Variants in FAM222B observed in about 807,000 individuals in gnomAD.
FAM222B encodes the protein family with sequence similarity 222 member B.
FAM222B carries 12 observed loss-of-function variants against 38.0 expected under a neutral mutation model. The ratio of observed to expected loss-of-function variants is 0.32; its 90% CI spans 0.20 to 0.51. The LOEUF (loss-of-function observed/expected upper bound fraction) is 0.51, where lower values mean the gene tolerates loss of function less well. FAM222B is among the 20% of genes least tolerant of loss of function. The probability of loss-of-function intolerance (pLI) is 0.97; values close to 1 mark genes in which losing one functional copy is unlikely to be tolerated. For missense variants in FAM222B, 716 were observed against 754.2 expected (o/e 0.95, Z 0.59); for synonymous variants, 329 against 317.2 (o/e 1.04, Z -0.40).
intron 1 of FAM222B, among the ~76,000 whole-genome samples, chr17:28,852,969 G>A (rs144745748): frequency 0.022 from 3,296 of 152,124 alleles, 116 homozygotes; most frequent in African/African-American, 0.075. Flanking sequence ...TGAGGTGGGC[G>A]GATCACCTGA....
intron 1 of FAM222B, among the ~76,000 whole-genome samples, chr17:28,828,789 T>A (rs972854182): frequency 6.6e-6 from 1 of 152,150 alleles, no homozygotes; most frequent in African/African-American, 2.4e-5. Context: ...ATTGTTCAGT[T>A]CTAAGAGTTC....
chr17:28,821,561 G>C (rs1266931220), intron 1 of FAM222B, among the ~76,000 whole-genome samples: 1 of 152,170 alleles, frequency 6.6e-6, no homozygotes, highest in Non-Finnish European at 1.5e-5. Flanking sequence ...TTTTCTTATA[G>C]ACCAAGGGCC....
At chr17:28,803,040 ACT>A (rs2037312246) in intron 1 of FAM222B, among the ~76,000 whole-genome samples, 1 of 151,280 alleles carries the variant, frequency 6.6e-6, no homozygotes, top group African/African-American at 2.4e-5. Context: ...AGGGAGTCCC[ACT>A]CTGTTGCCTA....
At chr17:28,832,139 G>A (rs538887959) in intron 1 of FAM222B, among the ~76,000 whole-genome samples, 3 of 152,070 alleles carry the variant, frequency 2.0e-5, no homozygotes, top group African/African-American at 4.8e-5. Context: ...GCCGTGAGCC[G>A]AGATCGCGCC....
At chr17:28,839,967 G>A (rs1032036311) in intron 1 of FAM222B, among the ~76,000 whole-genome samples, 1 of 151,648 alleles carries the variant, frequency 6.6e-6, no homozygotes, top group East Asian at 1.9e-4. Flanking sequence ...TCAGGTAAAA[G>A]ACCAATCACT....
chr17:28,796,722 A>T (rs996398919), intron 1 of FAM222B, among the ~76,000 whole-genome samples: 5 of 145,796 alleles, frequency 3.4e-5, no homozygotes, highest in Non-Finnish European at 7.6e-5. Flanking sequence ...AGCAAAGATT[A>T]AAAAAAAAAA....
chr17:28,763,564 C>T (rs2035185480), intron 2 of FAM222B, among the ~76,000 whole-genome samples: 1 of 152,194 alleles, frequency 6.6e-6, no homozygotes, highest in African/African-American at 2.4e-5. Flanking sequence ...GGTCAGAGGG[C>T]ACAGGTGGCA....
At chr17:28,789,021 G>A (rs929527060) in intron 1 of FAM222B, among the ~76,000 whole-genome samples, 17 of 139,034 alleles carry the variant, frequency 1.2e-4, no homozygotes, top group African/African-American at 4.3e-4. Context: ...AAAGTGCTGG[G>A]ATTACAGATG....
intron 1 of FAM222B, among the ~76,000 whole-genome samples, chr17:28,805,100 TCTAATCCCAGCA>T (rs2037421872): frequency 6.6e-6 from 1 of 150,998 alleles, no homozygotes; most frequent in Non-Finnish European, 1.5e-5. Flanking sequence ...AGCTCATGGT[TCTAATCCCAGCA>T]CTTGGGAGGC....
At chr17:28,789,872 G>A (rs1020191153) in intron 1 of FAM222B, among the ~76,000 whole-genome samples, 1 of 152,228 alleles carries the variant, frequency 6.6e-6, no homozygotes, top group Non-Finnish European at 1.5e-5. Flanking sequence ...GGAAACCCCA[G>A]AGACAGAAGT....
At position 28,759,180 on chromosome 17, in the gene FAM222B, C is replaced by T. The variant is rs1597833271; in HGVS notation, c.779G>A (p.Ser260Asn). 9.9e-6 allele frequency: 16 copies of T among 1,613,162 alleles called. No homozygotes were observed. The highest frequency in any genetic ancestry group is 1.4e-5 in the Non-Finnish European group (16 of 1,179,608). ...GATGCTACTCAGGTCCGGAGGCTGG[C>T]TGTGCTGCAGAGTGGCCGCCATTGA... Reference protein sequence around the residue: ...PLSMAATLQHSQPPDLSSIVH... With the variant: ...PLSMAATLQHNQPPDLSSIVH... The change falls in exon 3 of 3, where the codon AGC (serine) becomes AAC (asparagine). Residue 260 changes from serine (S) to asparagine (N), a missense_variant. Transcript: ENST00000581407. The surrounding 1 kb of genome is among the most constrained non-coding windows in gnomAD (Gnocchi z 4.8).
At chr17:28,770,971 T>C (rs1010639690) in intron 1 of FAM222B, among the ~76,000 whole-genome samples, 1 of 151,432 alleles carries the variant, frequency 6.6e-6, no homozygotes, top group Non-Finnish European at 1.5e-5. Context: ...TGTATAAATA[T>C]GTGTGTGTAT....
intron 1 of FAM222B, among the ~76,000 whole-genome samples, chr17:28,815,230 TA>T (rs1323168514): frequency 4.3e-5 from 6 of 138,342 alleles, no homozygotes; most frequent in African/African-American, 1.4e-4. Context: ...TTTTTTTTTT[TA>T]AAGACAGAGT....
intron 1 of FAM222B, among the ~76,000 whole-genome samples, chr17:28,786,157 G>A (rs1044933495): frequency 5.9e-5 from 9 of 151,454 alleles, no homozygotes; most frequent in East Asian, 5.8e-4. Flanking sequence ...TTTTTTAAGT[G>A]TGCATGTAAT....
chr17:28,811,306 G>GGT, intron 1 of FAM222B, among the ~76,000 whole-genome samples: 1 of 152,232 alleles, frequency 6.6e-6, no homozygotes, highest in Admixed American at 6.5e-5. Flanking sequence ...CAGGTGTGGT[G>GGT]GCAGGCGCCT....
chr17:28,801,044 C>T (rs2037194309), intron 1 of FAM222B, among the ~76,000 whole-genome samples: 1 of 151,556 alleles, frequency 6.6e-6, no homozygotes, highest in African/African-American at 2.4e-5. Flanking sequence ...TGTAACCCAG[C>T]TACTCAGGAG....
At chr17:28,849,087 T>G (rs1424803092) in intron 1 of FAM222B, 2 of 151,804 alleles carry the variant, frequency 1.3e-5, no homozygotes, top group Non-Finnish European at 2.9e-5. Flanking sequence ...TGGTGAAATC[T>G]CGTCTCCACT....
Position 28,758,443 on chromosome 17 carries a change from T to A in FAM222B, c.1516A>T (p.Ser506Cys), listed in dbSNP as rs2034828646. ...RAGTGGGPVASQNSLMQTVDY... is the reference protein window; with the variant it reads ...RAGTGGGPVACQNSLMQTVDY... ...ACTGTTTGCATCAAGCTGTTCTGGC[T>A]TGCCACTGGACCGCCCCCGGTCCCT... Residue 506 changes from serine (S) to cysteine (C), a missense_variant, in exon 3 of 3, where the codon AGC (serine) becomes TGC (cysteine). Transcript: ENST00000581407. 6.2e-7 allele frequency: 1 copy of A among 1,613,778 alleles called. No individual in the cohort carries two copies. The highest frequency in any genetic ancestry group is 8.5e-7 in the Non-Finnish European group (1 of 1,179,872).
At chr17:28,837,217 T>G (rs2038873772) in intron 1 of FAM222B, among the ~76,000 whole-genome samples, 1 of 151,946 alleles carries the variant, frequency 6.6e-6, no homozygotes, top group African/African-American at 2.4e-5. Context: ...GATCACGAGG[T>G]CAGGAGATCG....
Sources: allele counts gnomAD v4.1 joint callset (sites outside exome capture counted in the v4.1 genomes callset), GRCh38; gene constraint gnomAD v4.1.1; non-coding constraint Gnocchi (gnomAD v3.1); transcripts MANE v1.5; gene names NCBI Gene and HGNC (gene_info 2026-07-23, HGNC 2026-07-21).